The following PLIN4 variants were observed in gnomAD, a reference collection of about 807,000 sequenced individuals.
PLIN4 encodes perilipin-4.
A neutral mutation model predicts 52.4 loss-of-function variants in PLIN4; 57 were observed. That is an observed-to-expected ratio of 1.09 (90% CI 0.88 to 1.36). The LOEUF (loss-of-function observed/expected upper bound fraction) is 1.36. PLIN4 is among the 40% of genes most tolerant of loss of function. The pLI, the probability that PLIN4 is intolerant of heterozygous loss-of-function variation, is 0.00. For synonymous variants in PLIN4, 826 were observed against 785.4 expected, an observed-to-expected ratio of 1.05 and a Z score of -0.86; for missense variants, 1,757 against 1,770.3, an observed-to-expected ratio of 0.99 and a Z score of 0.13.
At chr19:4,506,553 A>C (rs1380307618) in intron 6 of PLIN4, among the ~76,000 whole-genome samples, 1 of 151,064 alleles carries the variant, frequency 6.6e-6, no homozygotes, top group Non-Finnish European at 1.5e-5. Context: ...GCAGGCCTGG[A>C]TATCCAGGGT....
At chr19:4,510,222 C>T (rs1303552265) in intron 5 of PLIN4, among the ~76,000 whole-genome samples, 6 of 151,290 alleles carry the variant, frequency 4.0e-5, no homozygotes, top group African/African-American at 7.3e-5. Context: ...AAAAATTAGC[C>T]GGGTGTGGTG....
In PLIN4 at chr19:4,512,838, C is replaced by G. The variant is rs202100536; in HGVS notation, c.1122G>C (p.Val374=). 16 of 1,529,196 alleles carry G rather than the reference C, an allele frequency of 1.0e-5. 2 individuals carry two copies. Among genetic ancestry groups the G allele is most frequent in the South Asian group, 2.2e-5 (2 of 89,090 alleles). The allele number at this position is 1,529,196 out of a possible 1,614,324, so 94.7% of individuals were successfully genotyped here. A position where few individuals can be genotyped will look rare whatever the true frequency, so the allele number is the denominator to read the frequency against. Residue 374 remains valine (V), a synonymous_variant, in exon 5 of 8, where the codon GTG becomes GTC. Transcript: ENST00000301286. ...CTTTGGCCAAGTTCACGGCACCGGT[C>G]ACCCCACTGCAGACAGTGTTCTTGG... ...TGTKNTVCSG[V]TGAVNLAKEA...
At position 4,504,419 on chromosome 19, in the gene PLIN4, G is replaced by C; in HGVS notation, c.*40C>G. On this transcript the variant is annotated 3_prime_UTR_variant, in exon 8 of 8. Transcript: ENST00000301286. ...TTCTGAGGCAGCTCCTCCCTGGACAGAGCAGGGCGACCCCGCGCCGGGCCT... is the reference window on the plus strand; with the variant it reads ...TTCTGAGGCAGCTCCTCCCTGGACACAGCAGGGCGACCCCGCGCCGGGCCT... 1 of 1,474,354 alleles carries C rather than the reference G, an allele frequency of 6.8e-7. No individual in the cohort carries two copies. Among genetic ancestry groups the C allele is most frequent in the East Asian group, 2.5e-5 (1 of 40,528 alleles). 91.3% of individuals were successfully genotyped at this position (1,474,354 alleles called of 1,614,324 possible).
Position 4,513,439 on chromosome 19 carries a change from G to T in PLIN4, c.521C>A (p.Thr174Asn). Residue 174 changes from threonine to asparagine, a missense_variant, in exon 5 of 8, where the codon ACT becomes AAT. Thr to Asn is a moderately conservative substitution (Grantham distance 65). Coordinates refer to ENST00000301286, the MANE Select transcript of PLIN4 (RefSeq NM_001367868.2). Reference sequence around the variant, plus strand: ...CACATTCACTGCCCCCGTGAGCCCAGTGGACACCGTGTCCTTGGTGCCGGT... The same window carrying T: ...CACATTCACTGCCCCCGTGAGCCCATTGGACACCGTGTCCTTGGTGCCGGT... ...VLTGTKDTVS[T>N]GLTGAVNVAK... 1 of 1,613,470 alleles carries T rather than the reference G, an allele frequency of 6.2e-7. No individual in the cohort carries two copies. The highest frequency in any genetic ancestry group is 8.5e-7 in the Non-Finnish European group (1 of 1,179,896).
At position 4,504,165 on chromosome 19, in the gene PLIN4, G is replaced by A. The variant is rs537145316; in HGVS notation, c.*294C>T. 8.8e-5 allele frequency: 32 copies of A among 365,640 alleles called. No individual in the cohort carries two copies. Among genetic ancestry groups the A allele is most frequent in the Non-Finnish European group, 2.0e-5 (4 of 204,004 alleles). 22.6% of individuals were successfully genotyped at this position (365,640 alleles called of 1,614,324 possible). On this transcript the variant is annotated 3_prime_UTR_variant, in exon 8 of 8. Transcript: ENST00000301286. The stretch of plus-strand genomic sequence containing the variant: ...TCTTTCCTAATTGCAGTGCTTGCTT[G>A]GGGACTTCAAGGGAAGGCTCTTGGC...
In PLIN4 at chr19:4,508,942, G is replaced by A. The variant is rs764509373; in HGVS notation, c.3528C>T (p.Ala1176=). The A allele has an allele frequency of 1.2e-6, 2 of 1,611,286 alleles. No individual in the cohort carries two copies. The highest frequency in any genetic ancestry group is 2.2e-5 in the East Asian group (1 of 44,866). Residue 1176 remains alanine (A), a synonymous_variant, in exon 6 of 8, where the codon GCC becomes GCT. Coordinates refer to ENST00000301286, the MANE Select transcript of PLIN4 (RefSeq NM_001367868.2). The stretch of plus-strand genomic sequence containing the variant: ...ACAGCACCTTTGGCCCAGGCTGGGA[G>A]GCAGCCAGCTGAGCTGGAAAGGAAG... ...MNAEEQAQLA[A]SQPGPKVLSA... is the part of the protein sequence containing the mutation.
chr19:4,504,930 C>G lies in PLIN4; in HGVS notation c.3720G>C (p.Gln1240His), dbSNP rs1340676597. The G allele has an allele frequency of 6.2e-7, 1 of 1,605,622 alleles. No homozygotes were observed. Among genetic ancestry groups the G allele is most frequent in the South Asian group, 1.1e-5 (1 of 89,416 alleles). Residue 1240 changes from glutamine (Q) to histidine (H), a missense_variant, in exon 7 of 8, where the codon CAG (glutamine) becomes CAC (histidine). By Grantham distance (24) the Gln-to-His change is conservative. Transcript: ENST00000301286. ...DCFRLIEKAQ[Q>H]APEGQPRLDQ... ...CCAGACGTGGCTGCCCTTCTGGAGCCTGCTGGGCCTTTTCAATCTGGAGAG... is the reference window on the plus strand; with the variant it reads ...CCAGACGTGGCTGCCCTTCTGGAGCGTGCTGGGCCTTTTCAATCTGGAGAG...
In PLIN4 at chr19:4,510,915, G is replaced by T; in HGVS notation, c.3045C>A (p.Gly1015=). 6.2e-7 allele frequency: 1 copy of T among 1,613,424 alleles called. No homozygotes were observed. The highest frequency in any genetic ancestry group is 1.1e-5 in the South Asian group (1 of 91,076). ...TCAGCACTGTCTTGGTGGTGTCCAG[G>T]CCCCCCTGGACGGCCCCTTTGGCCA... ...MSMAKGAVQG[G]LDTTKTVLTG... is the part of the protein sequence containing the mutation. Residue 1015 remains glycine (G), a synonymous_variant, in exon 5 of 8, where the codon GGC becomes GGA. Coordinates refer to ENST00000301286, the MANE Select transcript of PLIN4 (RefSeq NM_001367868.2).
At chr19:4,508,077 C>T (rs147627682) in intron 6 of PLIN4, among the ~76,000 whole-genome samples, 26 of 152,254 alleles carry the variant, frequency 1.7e-4, no homozygotes, top group Middle Eastern at 3.4e-3. Context: ...GCCACAGCGC[C>T]GCCTTTCCAT....
chr19:4,510,357 C>T (rs1976251332), intron 5 of PLIN4, 89 bp downstream of exon 5: 15 of 1,272,708 alleles, frequency 1.2e-5, no homozygotes, highest in Non-Finnish European at 1.2e-5. Flanking sequence ...CAGAGCACGA[C>T]TCTGTCTCAA....
chr19:4,508,993 CTCAGGGCA>C, intron 5 of PLIN4, 38 bp from the exon 6 acceptor site: 1 of 1,573,616 alleles, frequency 6.4e-7, no homozygotes, highest in Admixed American at 1.8e-5. Flanking sequence ...CCGGAAGCCC[CTCAGGGCA>C]TCAGGGCTTT....
chr19:4,507,799 CTG>C (rs1444905235), intron 6 of PLIN4, among the ~76,000 whole-genome samples: 1 of 152,124 alleles, frequency 6.6e-6, no homozygotes, highest in Non-Finnish European at 1.5e-5. Flanking sequence ...GACGGGGAGA[CTG>C]GAGGCCAGGG....
chr19:4,504,443 C>T lies in PLIN4; in HGVS notation c.*16G>A, dbSNP rs1208752257. 1 of 1,539,956 alleles carries T rather than the reference C, an allele frequency of 6.5e-7. No homozygotes were observed. ...AGAGCAGGGCGACCCCGCGCCGGGC[C>T]TGCAGGCTCCTACAGCTACTGCCCG... On this transcript the variant is annotated 3_prime_UTR_variant, in exon 8 of 8. Transcript: ENST00000301286.
intron 5 of PLIN4, among the ~76,000 whole-genome samples, chr19:4,509,869 G>A (rs183772615): frequency 1.4e-3 from 217 of 152,008 alleles, no homozygotes; most frequent in East Asian, 4.8e-3. Flanking sequence ...TGTAGTGAAC[G>A]CACCACTGCA....
chr19:4,517,385 T>C (rs1284492265), intron 3 of PLIN4, among the ~76,000 whole-genome samples, 169 bp downstream of exon 3: 6 of 152,154 alleles, frequency 3.9e-5, no homozygotes. Flanking sequence ...ACCCCCCATA[T>C]TTATGCCTCA....
At chr19:4,509,297 C>T (rs1368042141) in intron 5 of PLIN4, among the ~76,000 whole-genome samples, 2 of 6,264 alleles carry the variant, frequency 3.2e-4, no homozygotes, top group African/African-American at 5.5e-4. Flanking sequence ...GGTAAGAGTG[C>T]GAGACTCCGT....
At position 4,502,902 on chromosome 19, in the gene PLIN4, G is replaced by A. The variant is rs1258623030; in HGVS notation, c.*1557C>T. ...GAATTAGGCTGTGGTGTGGCGGGAA[G>A]GGACTTCCTGAGCTGCGGCCCCATG... On this transcript the variant is annotated 3_prime_UTR_variant, in exon 8 of 8. Transcript: ENST00000301286. The A allele has an allele frequency of 6.6e-6, 1 of 152,348 alleles. No individual in the cohort carries two copies. Among genetic ancestry groups the A allele is most frequent in the African/African-American group, 2.4e-5 (1 of 41,444 alleles). The allele number at this position is 152,348 out of a possible 1,614,324, so 9.4% of individuals were successfully genotyped here.
In PLIN4 at chr19:4,504,746, G is replaced by A. The variant is rs374440413; in HGVS notation, c.3829C>T (p.Leu1277Phe). 4.5e-5 allele frequency: 72 copies of A among 1,600,236 alleles called. No individual in the cohort carries two copies. The highest frequency in any genetic ancestry group is 5.4e-5 in the Non-Finnish European group (63 of 1,174,096). The change falls in exon 8 of 8, where the codon CTC (leucine) becomes TTC (phenylalanine). Residue 1277 changes from leucine to phenylalanine, a missense_variant. By Grantham distance (22) the Leu-to-Phe change is conservative. Around this residue, in one of 7 missense-constraint regions of PLIN4, gnomAD observed 712 missense variants for 637.1 expected, o/e 1.12. Coordinates refer to ENST00000301286, the MANE Select transcript of PLIN4 (RefSeq NM_001367868.2). The stretch of plus-strand genomic sequence containing the variant: ...CTGTAGGCCGTGTGCAGCTGCCGGA[G>A]AAGGCCGCAGACCCTGGACAGAACC... Reference protein sequence around the residue: ...AGVLSRVCGLLRQLHTAYSGL... With the variant: ...AGVLSRVCGLFRQLHTAYSGL...
At chr19:4,507,358 G>A (rs1050080899) in intron 6 of PLIN4, among the ~76,000 whole-genome samples, 1 of 152,222 alleles carries the variant, frequency 6.6e-6, no homozygotes, top group Non-Finnish European at 1.5e-5. Flanking sequence ...GATCGCGGGA[G>A]CGCAGAAGCT....
Sources: allele counts gnomAD v4.1 joint callset (sites outside exome capture counted in the v4.1 genomes callset), GRCh38; gene constraint gnomAD v4.1.1; regional missense constraint gnomAD v4.1.1; transcripts MANE v1.5; gene names NCBI Gene and HGNC (gene_info 2026-07-23, HGNC 2026-07-21).